TUSC3: variants seen among roughly 807,000 people sequenced by gnomAD.
TUSC3 encodes dolichyl-diphosphooligosaccharide--protein glycosyltransferase subunit TUSC3.
Under a neutral mutation model 44.8 loss-of-function variants are expected in TUSC3, and 45 were observed. The ratio of observed to expected loss-of-function variants is 1.00; its 90% CI spans 0.79 to 1.29. The LOEUF (loss-of-function observed/expected upper bound fraction) is 1.29. Ranked by LOEUF, TUSC3 falls within the 50% of genes most tolerant of loss-of-function variation. The pLI, the probability that TUSC3 is intolerant of heterozygous loss-of-function variation, is 0.00. For synonymous variants in TUSC3, 212 were observed against 152.9 expected (o/e 1.39, Z -2.85); for missense variants, 519 against 437.9 (o/e 1.19, Z -1.65).
Position 15,514,539 on chromosome 8 carries a change from G to C in TUSC3, n.189+31056G>C, listed in dbSNP as rs116438239. Among the ~76,000 whole-genome samples, 126 of 152,212 alleles carry C rather than the reference G, an allele frequency of 8.3e-4. 1 individual carries two copies. Among genetic ancestry groups the C allele is most frequent in the African/African-American group, 2.9e-3 (121 of 41,542 alleles). ...CTTACCTTACAATCATGCTGAAAAC[G>C]GAACTCCGCTTCTTCACAGCCCAGA... On this transcript the variant is annotated intron_variant and non_coding_transcript_variant, in intron 2 of 5. Transcript: ENST00000503191.
At chr8:15,706,748 T>C (rs1030502839) in intron 6 of TUSC3, among the ~76,000 whole-genome samples, 1 of 152,028 alleles carries the variant, frequency 6.6e-6, no homozygotes, top group African/African-American at 2.4e-5. Flanking sequence ...AACTCTTGAT[T>C]GTGCAAATAT....
intron 1 of TUSC3, among the ~76,000 whole-genome samples, chr8:15,476,773 G>C (rs1182160820): frequency 6.6e-6 from 1 of 152,234 alleles, no homozygotes; most frequent in Non-Finnish European, 1.5e-5. Context: ...ATACCCTCTA[G>C]AGGTTTCCTA....
chr8:15,773,382 A>T, the TUSC3 span, among the ~76,000 whole-genome samples: 1 of 152,198 alleles, frequency 6.6e-6, no homozygotes, highest in Non-Finnish European at 1.5e-5. Flanking sequence ...ACCAAATAAT[A>T]AAATACTTTT....
At chr8:15,686,608 A>G (rs1274145683) in intron 6 of TUSC3, among the ~76,000 whole-genome samples, 6 of 151,998 alleles carry the variant, frequency 3.9e-5, no homozygotes, top group African/African-American at 9.7e-5. Context: ...TAAGGATGCT[A>G]TCATCCCATT....
chr8:15,687,478 G>A (rs1808686765), intron 6 of TUSC3, among the ~76,000 whole-genome samples: 1 of 151,908 alleles, frequency 6.6e-6, no homozygotes. Flanking sequence ...TTTCATATTT[G>A]TGTCTGTCTA....
At chr8:15,556,291 A>ATGG (rs939784225) in intron 1 of TUSC3, among the ~76,000 whole-genome samples, 2 of 98,052 alleles carry the variant, frequency 2.0e-5, no homozygotes, top group African/African-American at 7.2e-5. Flanking sequence ...TTTACTGAGA[A>ATGG]TGTTTTCCAA....
At chr8:15,763,007 T>C (rs1400868895) in intron 10 of TUSC3, among the ~76,000 whole-genome samples, 1 of 152,108 alleles carries the variant, frequency 6.6e-6, no homozygotes, top group African/African-American at 2.4e-5. Flanking sequence ...CACATCATTT[T>C]TATCTTCTAA....
Position 15,485,474 on chromosome 8 carries a change from TTG to T in TUSC3, n.189+1993_189+1994del, listed in dbSNP as rs1453313306. Among the ~76,000 whole-genome samples the T allele has an allele frequency of 7.9e-5, 12 of 151,152 alleles. 1 individual carries two copies. Among genetic ancestry groups the T allele is most frequent in the African/African-American group, 2.2e-4 (9 of 40,894 alleles). ...ATTATACTCTGTTGTCTTTTTTTTT[TTG>T]TTTTTTGTGACACAGAGTTCTTGTC... On this transcript the variant is annotated intron_variant and non_coding_transcript_variant, in intron 2 of 5. Transcript: ENST00000503191.
chr8:15,616,738 C>G (rs1042040336), intron 1 of TUSC3, among the ~76,000 whole-genome samples: 1 of 152,226 alleles, frequency 6.6e-6, no homozygotes, highest in Non-Finnish European at 1.5e-5. Flanking sequence ...TCGAGACTCC[C>G]TGAGCAAGAG....
intron 6 of TUSC3, among the ~76,000 whole-genome samples, chr8:15,728,366 C>T (rs367902894): frequency 1.4e-5 from 2 of 147,602 alleles, no homozygotes; most frequent in African/African-American, 5.0e-5. Context: ...TTTCCTAGTT[C>T]TTCCTGGTAG....
chr8:15,825,723 C>T, the TUSC3 span, among the ~76,000 whole-genome samples: 1 of 152,008 alleles, frequency 6.6e-6, no homozygotes, highest in Non-Finnish European at 1.5e-5. Flanking sequence ...GAAATATATG[C>T]ACATTGAGAT....
At chr8:15,688,153 C>G (rs896556197) in intron 6 of TUSC3, among the ~76,000 whole-genome samples, 5 of 151,754 alleles carry the variant, frequency 3.3e-5, no homozygotes, top group African/African-American at 1.2e-4. Context: ...CTTAAAAAAA[C>G]CAAAGATATT....
chr8:15,573,229 T>TATATATAA (rs1802959262), intron 1 of TUSC3, among the ~76,000 whole-genome samples: 2 of 124,104 alleles, frequency 1.6e-5, no homozygotes, highest in South Asian at 5.1e-4. Flanking sequence ...TATATATATA[T>TATATATAA]AAAAGTTTTT....
the TUSC3 span, among the ~76,000 whole-genome samples, chr8:15,781,734 C>G: frequency 6.6e-6 from 1 of 152,080 alleles, no homozygotes; most frequent in East Asian, 1.9e-4. Context: ...GAATTAATAC[C>G]AACCCTTCTA....
At chr8:15,479,416 G>C (rs551681729) in intron 1 of TUSC3, among the ~76,000 whole-genome samples, 5 of 152,186 alleles carry the variant, frequency 3.3e-5, no homozygotes, top group African/African-American at 1.2e-4. Context: ...TATAGTTTTG[G>C]GTTTTACATT....
chr8:15,656,169 C>G (rs1196418267), intron 3 of TUSC3, among the ~76,000 whole-genome samples: 1 of 152,170 alleles, frequency 6.6e-6, no homozygotes, highest in East Asian at 2.0e-4. Context: ...CTAACCCTAC[C>G]AAACTCATGT....
chr8:15,705,422 A>G (rs1809576595), intron 6 of TUSC3, among the ~76,000 whole-genome samples: 1 of 152,142 alleles, frequency 6.6e-6, no homozygotes, highest in South Asian at 2.1e-4. Context: ...TGAATATAGT[A>G]TTCTATTAAA....
chr8:15,764,180 T>A (rs1244573178), intron 10 of TUSC3, 23 bp from the exon 11 acceptor site: 1 of 1,592,798 alleles, frequency 6.3e-7, no homozygotes, highest in African/African-American at 1.3e-5. Flanking sequence ...GTTCAGCACA[T>A]AATAATTTTC....
chr8:15,797,606 G>C, the TUSC3 span, among the ~76,000 whole-genome samples: 2 of 152,220 alleles, frequency 1.3e-5, no homozygotes, highest in African/African-American at 4.8e-5. Flanking sequence ...TTAAAGAACA[G>C]AAGCACTCGT....
Sources: gnomAD v4.1 joint callset for allele counts (sites outside exome capture counted in the v4.1 genomes callset) on GRCh38, gnomAD v4.1.1 for gene constraint, MANE v1.5 for transcripts, NCBI Gene and HGNC (gene_info 2026-07-23, HGNC 2026-07-21) for gene names.